Variants in ZNF594 observed in about 807,000 individuals in gnomAD.
ZNF594 encodes the protein zinc finger protein 594, also known as zinc finger protein HZF18.
For missense variants in ZNF594, 1,037 were observed against 964.6 expected, an observed-to-expected ratio of 1.08 and a Z score of -0.99; for synonymous variants, 336 against 309.4, an observed-to-expected ratio of 1.09 and a Z score of -0.90.
Position 5,183,251 on chromosome 17 carries a change from T to G in ZNF594, c.1006A>C (p.Thr336Pro). The G allele has an allele frequency of 6.2e-7, 1 of 1,614,194 alleles. No individual in the cohort carries two copies. The highest frequency in any genetic ancestry group is 8.5e-7 in the Non-Finnish European group (1 of 1,180,038). ...HRCGKTFSGRTAFLKHQRLHA... is the reference protein window; with the variant it reads ...HRCGKTFSGRPAFLKHQRLHA... ...AATCTCTGATGTTTAAGAAAAGCTG[T>G]GCGCCCACTGAAGGTCTTCCCACAT... is the stretch of plus-strand genomic sequence containing the variant. The change falls in exon 2 of 2, where the codon ACA becomes CCA. Residue 336 changes from threonine to proline, a missense_variant. By Grantham distance (38) the Thr-to-Pro change is conservative. Coordinates refer to ENST00000575779, the MANE Select transcript of ZNF594 (RefSeq NM_032530.2).
chr17:5,191,820 A>G lies in ZNF594; in HGVS notation c.-93T>C, dbSNP rs1409335379. On this transcript the variant is annotated 5_prime_UTR_variant, in exon 1 of 2. Coordinates refer to ENST00000575779, the MANE Select transcript of ZNF594 (RefSeq NM_032530.2). ...CCGCTATCACTGGGTCGCGGCTCCT[A>G]GCGCCACCATCTTGGACCCCGCGCC... is the stretch of plus-strand genomic sequence containing the variant. 2 of 151,882 alleles carry G rather than the reference A, an allele frequency of 1.3e-5. No individual in the cohort carries two copies. Among genetic ancestry groups the G allele is most frequent in the Non-Finnish European group, 2.9e-5 (2 of 67,968 alleles). The allele number at this position is 151,882 out of a possible 1,614,324, so 9.4% of individuals were successfully genotyped here.
At chr17:5,190,277 A>T (rs1047494691) in intron 1 of ZNF594, among the ~76,000 whole-genome samples, 1 of 152,196 alleles carries the variant, frequency 6.6e-6, no homozygotes, top group African/African-American at 2.4e-5. Flanking sequence ...CTGAGGCAGG[A>T]GAATCGCTTG....
At chr17:5,184,355 G>C (rs763830020) in intron 1 of ZNF594, 79 bp from the exon 2 acceptor site, 54 of 1,366,938 alleles carry the variant, frequency 4.0e-5, no homozygotes, top group Non-Finnish European at 5.1e-5. Flanking sequence ...GTCTAAGAGG[G>C]AGGAACAAAG....
intron 1 of ZNF594, among the ~76,000 whole-genome samples, chr17:5,186,457 T>A (rs2074387153): frequency 6.6e-6 from 1 of 152,350 alleles, no homozygotes; most frequent in Non-Finnish European, 1.5e-5. Flanking sequence ...CATTTTCTCC[T>A]AGGCCTCCAG....
In ZNF594 at chr17:5,182,727, A is replaced by G. The variant is rs759761101; in HGVS notation, c.1530T>C (p.His510=). The G allele has an allele frequency of 1.9e-6, 3 of 1,613,682 alleles. No homozygotes were observed. Among genetic ancestry groups the G allele is most frequent in the East Asian group, 2.2e-5 (1 of 44,822 alleles). ...TACATTCATAGGGTTTCTCACCACT[A>G]TGAATTCTCCGATGTTGAATAAGGA... ...RSLLIQHRRI[H]SGEKPYECKE... is the part of the protein sequence containing the mutation. The change falls in exon 2 of 2, where the codon CAT becomes CAC. Residue 510 remains histidine (H), a synonymous_variant. Coordinates refer to ENST00000575779, the MANE Select transcript of ZNF594 (RefSeq NM_032530.2).
At chr17:5,176,516 CTT>C (rs1197428503), downstream of ZNF594, among the ~76,000 whole-genome samples, 2 of 150,230 alleles carry the variant, frequency 1.3e-5, no homozygotes, top group Non-Finnish European at 3.0e-5. Flanking sequence ...AAGCACAACT[CTT>C]TTAAGTGCCA....
chr17:5,189,840 C>G (rs2074410052), intron 1 of ZNF594, among the ~76,000 whole-genome samples: 1 of 151,820 alleles, frequency 6.6e-6, no homozygotes, highest in African/African-American at 2.4e-5. Context: ...GATTAGAAAA[C>G]AATAAAAAGT....
chr17:5,177,262 CTG>C (rs1316537946), downstream of ZNF594, among the ~76,000 whole-genome samples: 1 of 151,174 alleles, frequency 6.6e-6, no homozygotes, highest in Non-Finnish European at 1.5e-5. Flanking sequence ...GTGAAACCAA[CTG>C]AGGCAAAGAG....
chr17:5,178,250 A>G (rs539690158), downstream of ZNF594, among the ~76,000 whole-genome samples: 12 of 152,290 alleles, frequency 7.9e-5, no homozygotes, highest in South Asian at 1.7e-3. Context: ...GGGATATACT[A>G]AAAAATGCAG....
chr17:5,188,203 G>T (rs74986898), intron 1 of ZNF594, among the ~76,000 whole-genome samples: 2,530 of 145,126 alleles, frequency 0.017, 69 homozygotes, highest in African/African-American at 0.054. Flanking sequence ...TATATATATA[G>T]AGAGAGAGAG....
chr17:5,181,745 A>G lies in ZNF594; in HGVS notation c.*88T>C, dbSNP rs1165000679. Reference sequence around the variant, plus strand: ...ATTCATGAGGTTTCTCTCCAGTATGAACACGATGGTGTTTAATAAGATCTG... The same window carrying G: ...ATTCATGAGGTTTCTCTCCAGTATGGACACGATGGTGTTTAATAAGATCTG... On this transcript the variant is annotated 3_prime_UTR_variant, in exon 2 of 2. Transcript: ENST00000575779. 3 of 1,597,500 alleles carry G rather than the reference A, an allele frequency of 1.9e-6. No homozygotes were observed. The African/African-American group carries it at 4.0e-5, about 21-fold the overall frequency.
chr17:5,187,490 T>C (rs1228087194), intron 1 of ZNF594, among the ~76,000 whole-genome samples: 1 of 152,196 alleles, frequency 6.6e-6, no homozygotes, highest in African/African-American at 2.4e-5. Context: ...GGGAGAGTCA[T>C]TTTATTTTGG....
rs1267616264 is a variant in ZNF594, at chr17:5,184,089, C to T, written c.168G>A (p.Met56Ile). 1.9e-6 allele frequency: 3 copies of T among 1,614,216 alleles called. No individual in the cohort carries two copies. The highest frequency in any genetic ancestry group is 2.5e-6 in the Non-Finnish European group (3 of 1,180,040). ...KHWVSPLKDAMRHLPSQESGI... is the reference protein window; with the variant it reads ...KHWVSPLKDAIRHLPSQESGI... Reference sequence around the variant, plus strand: ...CGCTCTCTTGGGAAGGGAGATGTCTCATTGCATCCTTTAAAGGGCTTACCC... The same window carrying T: ...CGCTCTCTTGGGAAGGGAGATGTCTTATTGCATCCTTTAAAGGGCTTACCC... Residue 56 changes from methionine (M) to isoleucine (I), a missense_variant, in exon 2 of 2, where the codon ATG becomes ATA. Transcript: ENST00000575779.
rs1291827354 is a variant in ZNF594 at position 5,180,248 on chromosome 17, G to C, written c.*1585C>G. 1 of 151,994 alleles carries C rather than the reference G, an allele frequency of 6.6e-6. No homozygotes were observed. The highest frequency in any genetic ancestry group is 1.5e-5 in the Non-Finnish European group (1 of 68,032). 9.4% of individuals were successfully genotyped at this position (151,994 alleles called of 1,614,324 possible). On this transcript the variant is annotated 3_prime_UTR_variant, in exon 2 of 2. Transcript: ENST00000575779. ...GCTAATTTTTGTTATTTTTAGTAGA[G>C]ACGGGGTTTTAGTATGTTGGCTGGG...
chr17:5,188,937 C>T (rs1468761251), intron 1 of ZNF594, among the ~76,000 whole-genome samples: 2 of 151,726 alleles, frequency 1.3e-5, no homozygotes, highest in Non-Finnish European at 2.9e-5. Context: ...TTAGTAGAGA[C>T]GGGGTTTCAC....
chr17:5,190,164 C>G (rs540162478), intron 1 of ZNF594, among the ~76,000 whole-genome samples: 1 of 152,194 alleles, frequency 6.6e-6, no homozygotes, highest in African/African-American at 2.4e-5. Flanking sequence ...GTTGGGAGTT[C>G]GAGACCAGCC....
In ZNF594 at chr17:5,180,972, C is replaced by G. The variant is rs747407174; in HGVS notation, c.*861G>C. The G allele has an allele frequency of 2.1e-5, 15 of 710,674 alleles. No homozygotes were observed. The highest frequency in any genetic ancestry group is 3.6e-5 in the Non-Finnish European group (14 of 393,840). 44.0% of individuals were successfully genotyped at this position (710,674 alleles called of 1,614,324 possible). On this transcript the variant is annotated 3_prime_UTR_variant, in exon 2 of 2. Transcript: ENST00000575779. ...AATAGGTCCTGTTTGTAGACTCTTA[C>G]AGTCTTCAAATTCCTTTCCAATGTG...
downstream of ZNF594, among the ~76,000 whole-genome samples, chr17:5,179,173 G>A (rs1462323103): frequency 2.7e-5 from 4 of 149,724 alleles, no homozygotes; most frequent in African/African-American, 4.9e-5. Flanking sequence ...GCAGCCTGGC[G>A]CTCCTGGCCC....
chr17:5,181,335 G>A lies in ZNF594; in HGVS notation c.*498C>T, dbSNP rs754873090. 4 of 1,612,860 alleles carry A rather than the reference G, an allele frequency of 2.5e-6. No homozygotes were observed. The highest frequency in any genetic ancestry group is 3.4e-6 in the Non-Finnish European group (4 of 1,178,954). The stretch of plus-strand genomic sequence containing the variant: ...TTCATATGGTTTCTCTCCTGTATGA[G>A]TTACCTGATGTCCGATGAGGTCTGA... On this transcript the variant is annotated 3_prime_UTR_variant, in exon 2 of 2. Transcript: ENST00000575779.
Sources: allele counts gnomAD v4.1 joint callset (sites outside exome capture counted in the v4.1 genomes callset), GRCh38; gene constraint gnomAD v4.1.1; transcripts MANE v1.5; gene names NCBI Gene and HGNC (gene_info 2026-07-23, HGNC 2026-07-21).